The following MYO5B variants were observed in gnomAD, a reference collection of about 807,000 sequenced individuals.
The protein encoded by MYO5B is unconventional myosin-Vb.
Under a neutral mutation model 229.3 loss-of-function variants are expected in MYO5B, and 143 were observed. The observed-to-expected ratio is 0.62, with a 90% CI of 0.54 to 0.72. The LOEUF is 0.72. Among genes scored for constraint, MYO5B ranks in the 30% least tolerant of loss-of-function variants. MYO5B has a pLI of 0.00. For synonymous variants in MYO5B, 918 were observed against 885.2 expected (o/e 1.04, Z -0.66); for missense variants, 2,321 against 2,331.0 (o/e 1.00, Z 0.09).
intron 3 of MYO5B, among the ~76,000 whole-genome samples, chr18:50,038,563 T>C (rs151122848): frequency 6.6e-6 from 1 of 152,370 alleles, no homozygotes; most frequent in East Asian, 1.9e-4. Flanking sequence ...AAGATTCTAA[T>C]TCACGTAGCA....
At chr18:50,061,537 ACCTACTTCTAG>A (rs1424072496) in intron 1 of MYO5B, among the ~76,000 whole-genome samples, 5 of 152,100 alleles carry the variant, frequency 3.3e-5, no homozygotes, top group African/African-American at 7.2e-5. Context: ...AAAAATCAAT[ACCTACTTCTAG>A]CCTACTTCTA....
intron 5 of MYO5B, among the ~76,000 whole-genome samples, chr18:49,999,071 G>A (rs1234000011): frequency 6.6e-6 from 1 of 152,198 alleles, no homozygotes; most frequent in Non-Finnish European, 1.5e-5. Context: ...CTAATGTGGT[G>A]ATCTGCCTTC....
In MYO5B at chr18:49,962,998, T is replaced by C. The variant is rs1568049602; in HGVS notation, c.1355A>G (p.Gln452Arg). The change falls in exon 11 of 40, where the codon CAG becomes CGG. Residue 452 changes from glutamine (Q) to arginine (R), a missense_variant. By Grantham distance (43) the Gln-to-Arg change is conservative (BLOSUM62 1). Transcript: ENST00000285039. ...TTCATTTGCATAGTTGATACAGAAC[T>C]GCTCAAAGCTGTTTACCTCAAATGT... ...FETFEVNSFE[Q>R]FCINYANEKL... 1.4e-5 allele frequency: 23 copies of C among 1,614,134 alleles called. No individual in the cohort carries two copies. Among genetic ancestry groups the C allele is most frequent in the Non-Finnish European group, 1.9e-5 (23 of 1,179,982 alleles).
chr18:49,896,331 G>A (rs1329167066), intron 21 of MYO5B, among the ~76,000 whole-genome samples: 1 of 152,140 alleles, frequency 6.6e-6, no homozygotes, highest in Non-Finnish European at 1.5e-5. Flanking sequence ...ACACCTTCAA[G>A]CCTGGTCTGC....
At chr18:50,033,023 A>G (rs2026407375) in intron 4 of MYO5B, among the ~76,000 whole-genome samples, 2 of 152,130 alleles carry the variant, frequency 1.3e-5, no homozygotes, top group Admixed American at 1.3e-4. Flanking sequence ...TCTTGGGTGC[A>G]TACCTAAGAA....
At position 49,863,422 on chromosome 18, in the gene MYO5B, A is replaced by G; in HGVS notation, c.3844-95T>C. 3 of 1,032,354 alleles carry G rather than the reference A, an allele frequency of 2.9e-6. No individual in the cohort carries two copies. In the East Asian group the frequency reaches 7.3e-5, roughly 25 times the overall value. The allele number at this position is 1,032,354 out of a possible 1,614,324, so 63.9% of individuals were successfully genotyped here. On this transcript the variant is annotated intron_variant, in intron 28 of 39. Transcript: ENST00000285039. The stretch of plus-strand genomic sequence containing the variant: ...GGTATAAAAACATGCCTTTGGGAAA[A>G]GACAAAGGCCTGGAAAGAACAGAGA...
intron 1 of MYO5B, among the ~76,000 whole-genome samples, chr18:50,143,988 A>G (rs1039177024): frequency 6.6e-6 from 1 of 152,124 alleles, no homozygotes; most frequent in Non-Finnish European, 1.5e-5. Flanking sequence ...TTCTTATCCA[A>G]AGGCTTTGTC....
intron 33 of MYO5B, among the ~76,000 whole-genome samples, chr18:49,845,874 C>T (rs1353329712): frequency 1.3e-5 from 2 of 152,208 alleles, no homozygotes; most frequent in Non-Finnish European, 2.9e-5. Context: ...CAAACCTGAG[C>T]AAGCTGCACA....
intron 1 of MYO5B, among the ~76,000 whole-genome samples, chr18:50,102,003 C>G (rs1158293182): frequency 6.6e-6 from 1 of 152,142 alleles, no homozygotes; most frequent in African/African-American, 2.4e-5. Context: ...TGATGATAGA[C>G]TGGATTTAAA....
At chr18:50,062,343 A>G (rs917373114) in intron 1 of MYO5B, among the ~76,000 whole-genome samples, 1 of 152,202 alleles carries the variant, frequency 6.6e-6, no homozygotes, top group African/African-American at 2.4e-5. Context: ...GCCTAACTTG[A>G]TAGCTGGCAG....
At chr18:50,033,054 G>A (rs757757864) in intron 4 of MYO5B, among the ~76,000 whole-genome samples, 3 of 152,090 alleles carry the variant, frequency 2.0e-5, no homozygotes, top group Non-Finnish European at 4.4e-5. Flanking sequence ...GGGTCATAGG[G>A]GGATTTTTGT....
chr18:50,189,051 A>G (rs895512829), intron 1 of MYO5B, among the ~76,000 whole-genome samples: 3 of 152,202 alleles, frequency 2.0e-5, no homozygotes, highest in Non-Finnish European at 4.4e-5. Context: ...CACATGCAAG[A>G]CAGAGAATGA....
chr18:50,021,838 A>G (rs2026278880), intron 4 of MYO5B, among the ~76,000 whole-genome samples: 1 of 151,680 alleles, frequency 6.6e-6, no homozygotes, highest in African/African-American at 2.4e-5. Flanking sequence ...CTCCTTCTGT[A>G]CCAGATCTAT....
intron 27 of MYO5B, among the ~76,000 whole-genome samples, chr18:49,869,566 C>G (rs555392601): frequency 4.3e-4 from 66 of 152,320 alleles, no homozygotes; most frequent in African/African-American, 1.4e-3. Context: ...ATTGCGCCCT[C>G]TCTGTGCCAG....
intron 14 of MYO5B, among the ~76,000 whole-genome samples, chr18:49,938,943 C>G (rs573783280): frequency 6.7e-4 from 102 of 152,070 alleles, no homozygotes; most frequent in African/African-American, 2.4e-3. Context: ...CTGGGACACC[C>G]TCACCCCCTC....
intron 1 of MYO5B, among the ~76,000 whole-genome samples, chr18:50,137,082 C>T (rs2032347941): frequency 6.6e-6 from 1 of 151,784 alleles, no homozygotes; most frequent in Non-Finnish European, 1.5e-5. Flanking sequence ...GTAAGGACTC[C>T]AATATTTTGA....
chr18:49,955,454 A>T (rs2025482224), intron 12 of MYO5B, among the ~76,000 whole-genome samples: 1 of 152,150 alleles, frequency 6.6e-6, no homozygotes, highest in African/African-American at 2.4e-5. Context: ...TCACTAACTG[A>T]CCTGCCCTTC....
chr18:50,109,932 T>C lies in MYO5B; in HGVS notation c.28-54554A>G, dbSNP rs140247618. On this transcript the variant is annotated intron_variant, in intron 1 of 39. Transcript: ENST00000285039. The stretch of plus-strand genomic sequence containing the variant: ...TTCAAAATCCTCCACGGGTTCCCCA[T>C]CCCAGCGAAAGTCAAACCCTTGCAG... 1.8e-4 allele frequency among the ~76,000 whole-genome samples: 27 copies of C among 152,230 alleles called. No individual in the cohort carries two copies. In the East Asian group the frequency reaches 5.2e-3, roughly 30 times the overall value.
intron 37 of MYO5B, 21 bp downstream of exon 37, chr18:49,837,496 T>C: frequency 6.2e-7 from 1 of 1,613,426 alleles, no homozygotes; most frequent in Non-Finnish European, 8.5e-7. Context: ...TCTGTGTTGT[T>C]GGGGGGTGCT....
Sources: allele counts gnomAD v4.1 joint callset (sites outside exome capture counted in the v4.1 genomes callset), GRCh38; gene constraint gnomAD v4.1.1; transcripts MANE v1.5; gene names NCBI Gene and HGNC (gene_info 2026-07-23, HGNC 2026-07-21).